CTNNA2: variants seen among roughly 807,000 people sequenced by gnomAD.
The protein encoded by CTNNA2 is catenin alpha-2.
A neutral mutation model predicts 101.0 loss-of-function variants in CTNNA2; 42 were observed. The observed-to-expected ratio is 0.42, with a 90% CI of 0.32 to 0.54. CTNNA2 has a LOEUF of 0.54. Among genes scored for constraint, CTNNA2 ranks in the 20% least tolerant of loss-of-function variants. The pLI is 0.14. For synonymous variants in CTNNA2, 450 were observed against 456.4 expected (o/e 0.99, Z 0.18); for missense variants, 871 against 1,223.1 (o/e 0.71, Z 4.29).
chr2:79,556,149 G>A (rs1286902980), intron 1 of CTNNA2, among the ~76,000 whole-genome samples: 1 of 152,046 alleles, frequency 6.6e-6, no homozygotes, highest in Non-Finnish European at 1.5e-5. Context: ...ACAAGTTCTA[G>A]AAGTTATTTT....
chr2:79,202,725 T>C (rs1017683698), intron 2 of CTNNA2, among the ~76,000 whole-genome samples: 2 of 131,658 alleles, frequency 1.5e-5, no homozygotes, highest in Admixed American at 7.9e-5. Context: ...CTTATGGTTC[T>C]ACGTTTCTTT....
chr2:79,651,719 C>G (rs764441053), intron 2 of CTNNA2, 61 bp downstream of exon 2: 7 of 1,425,388 alleles, frequency 4.9e-6, no homozygotes, highest in Non-Finnish European at 6.9e-6. Context: ...TATATCCTGA[C>G]TCTTGGAAAA....
At chr2:79,377,577 A>G (rs908627228) in intron 4 of CTNNA2, among the ~76,000 whole-genome samples, 1 of 152,148 alleles carries the variant, frequency 6.6e-6, no homozygotes, top group African/African-American at 2.4e-5. Flanking sequence ...TTTGGGAGAC[A>G]GTATCTCTCT....
chr2:80,223,837 A>G (rs1708716785), intron 7 of CTNNA2, among the ~76,000 whole-genome samples: 1 of 152,208 alleles, frequency 6.6e-6, no homozygotes, highest in African/African-American at 2.4e-5. Flanking sequence ...ATAATCTTAA[A>G]AAGAGGTATT....
At chr2:80,172,807 G>A (rs1705148818) in intron 7 of CTNNA2, among the ~76,000 whole-genome samples, 1 of 152,120 alleles carries the variant, frequency 6.6e-6, no homozygotes, top group African/African-American at 2.4e-5. Flanking sequence ...CCTGATCTCT[G>A]CCTTCAAGTT....
At chr2:80,429,443 C>T (rs56295241) in intron 9 of CTNNA2, among the ~76,000 whole-genome samples, 20,992 of 152,028 alleles carry the variant, frequency 0.14, 2,245 homozygotes, top group East Asian at 0.58. Context: ...CTCCAGAGAC[C>T]ACATTCTTAG....
At chr2:80,199,010 G>A (rs776200027) in intron 7 of CTNNA2, among the ~76,000 whole-genome samples, 5 of 151,352 alleles carry the variant, frequency 3.3e-5, no homozygotes, top group East Asian at 3.9e-4. Context: ...GTGAAACCCC[G>A]TCTCTACTAA....
At chr2:80,097,561 A>G (rs1038287358) in intron 7 of CTNNA2, among the ~76,000 whole-genome samples, 1 of 152,096 alleles carries the variant, frequency 6.6e-6, no homozygotes, top group Non-Finnish European at 1.5e-5. Context: ...CTGCCTTCCT[A>G]GATTGGAGAA....
intron 1 of CTNNA2, among the ~76,000 whole-genome samples, chr2:79,558,650 A>T (rs17713970): frequency 0.089 from 13,596 of 151,980 alleles, 659 homozygotes; most frequent in Non-Finnish European, 0.097. Flanking sequence ...GGGACATGAA[A>T]GATGACAAGG....
chr2:79,796,775 A>G (rs1558936916), intron 3 of CTNNA2, among the ~76,000 whole-genome samples: 1 of 152,214 alleles, frequency 6.6e-6, no homozygotes, highest in Non-Finnish European at 1.5e-5. Flanking sequence ...GCGGGTTACT[A>G]GGAATGCAAA....
intron 3 of CTNNA2, among the ~76,000 whole-genome samples, chr2:79,857,405 A>G (rs907838580): frequency 3.9e-5 from 6 of 152,232 alleles, no homozygotes; most frequent in African/African-American, 1.2e-4. Context: ...GGCAGAGCCT[A>G]GTACAGAATC....
At chr2:79,406,930 A>T (rs1034926917) in intron 4 of CTNNA2, among the ~76,000 whole-genome samples, 1 of 151,830 alleles carries the variant, frequency 6.6e-6, no homozygotes, top group Non-Finnish European at 1.5e-5. Flanking sequence ...TGTCTCCTCA[A>T]CTCTATGATT....
intron 12 of CTNNA2, among the ~76,000 whole-genome samples, chr2:80,567,247 T>TG (rs1694142658): frequency 6.6e-6 from 1 of 151,922 alleles, no homozygotes; most frequent in South Asian, 2.1e-4. Context: ...CATTCGTTAC[T>TG]AAAATCACTA....
At chr2:80,199,725 A>G (rs2149013298) in intron 7 of CTNNA2, among the ~76,000 whole-genome samples, 1 of 152,162 alleles carries the variant, frequency 6.6e-6, no homozygotes, top group East Asian at 1.9e-4. Context: ...ATTTGTTTAG[A>G]CTTGATCCTT....
At chr2:80,636,098 C>G (rs1672851246) in intron 18 of CTNNA2, among the ~76,000 whole-genome samples, 1 of 151,170 alleles carries the variant, frequency 6.6e-6, no homozygotes. Flanking sequence ...ATATAACCTG[C>G]CATTTGCTAC....
chr2:80,371,261 G>T (rs1427817734), intron 7 of CTNNA2, among the ~76,000 whole-genome samples: 1 of 152,134 alleles, frequency 6.6e-6, no homozygotes, highest in Non-Finnish European at 1.5e-5. Flanking sequence ...AAGCCATATG[G>T]CTGTCACATG....
intron 9 of CTNNA2, among the ~76,000 whole-genome samples, chr2:80,493,119 G>A (rs1029255328): frequency 6.6e-6 from 1 of 152,124 alleles, no homozygotes; most frequent in African/African-American, 2.4e-5. Context: ...TATGCAGGCA[G>A]TGGTGATAGG....
At chr2:79,465,784 G>C (rs1670927279) in intron 4 of CTNNA2, among the ~76,000 whole-genome samples, 1 of 78,056 alleles carries the variant, frequency 1.3e-5, no homozygotes, top group Non-Finnish European at 2.4e-5. Flanking sequence ...CTCTCTGTTT[G>C]TTTGTTATTT....
At chr2:80,533,372 C>T (rs1163096645) in intron 9 of CTNNA2, among the ~76,000 whole-genome samples, 1 of 152,168 alleles carries the variant, frequency 6.6e-6, no homozygotes, top group Non-Finnish European at 1.5e-5. Context: ...ACTGGGGACT[C>T]CTGACTGTTT....
Sources: allele counts gnomAD v4.1 joint callset (sites outside exome capture counted in the v4.1 genomes callset), GRCh38; gene constraint gnomAD v4.1.1; transcripts MANE v1.5; gene names NCBI Gene and HGNC (gene_info 2026-07-23, HGNC 2026-07-21).